The following RALGPS1 variants were observed in gnomAD, a reference collection of about 807,000 sequenced individuals.
The protein encoded by RALGPS1 is Ral GEF with PH domain and SH3 binding motif 1.
Under a neutral mutation model 78.8 loss-of-function variants are expected in RALGPS1, and 19 were observed. That is an observed-to-expected ratio of 0.24 (90% CI 0.17 to 0.35). RALGPS1 has a LOEUF of 0.35. RALGPS1 is among the 10% of genes least tolerant of loss of function. The pLI, the probability that RALGPS1 is intolerant of heterozygous loss-of-function variation, is 1.00. For synonymous variants in RALGPS1, 228 were observed against 256.3 expected, an observed-to-expected ratio of 0.89 and a Z score of 1.06; for missense variants, 454 against 688.3, an observed-to-expected ratio of 0.66 and a Z score of 3.81.
chr9:126,939,186 G>A (rs1479939170), intron 1 of RALGPS1, among the ~76,000 whole-genome samples: 1 of 152,168 alleles, frequency 6.6e-6, no homozygotes, highest in African/African-American at 2.4e-5. Flanking sequence ...GTCTGTCAAG[G>A]CACCTTCTCT....
At chr9:127,050,191 C>A in intron 6 of RALGPS1, 59 bp downstream of exon 6, 1 of 1,328,584 alleles carries the variant, frequency 7.5e-7, no homozygotes, top group South Asian at 1.2e-5. Context: ...ACCTCCTCCC[C>A]AAAAATATGT....
chr9:127,196,036 A>T (rs1187138781), intron 12 of RALGPS1, among the ~76,000 whole-genome samples: 1 of 152,186 alleles, frequency 6.6e-6, no homozygotes. Flanking sequence ...CTATTATTAC[A>T]TATTTTGAGA....
chr9:127,139,131 G>T (rs528329182), intron 8 of RALGPS1, among the ~76,000 whole-genome samples: 12 of 152,286 alleles, frequency 7.9e-5, no homozygotes, highest in African/African-American at 2.6e-4. Context: ...ACAGTGTGTT[G>T]TCTGGGCTCG....
chr9:126,922,113 C>T (rs374492825), intron 1 of RALGPS1, among the ~76,000 whole-genome samples: 10 of 152,264 alleles, frequency 6.6e-5, no homozygotes, highest in African/African-American at 2.2e-4. Flanking sequence ...CCATTCTGGG[C>T]GCGTTTGTCT....
chr9:127,194,561 C>T (rs1021416035), intron 11 of RALGPS1, among the ~76,000 whole-genome samples: 6 of 152,254 alleles, frequency 3.9e-5, no homozygotes, highest in Middle Eastern at 3.4e-3. Flanking sequence ...TACAGGCATG[C>T]GCCACCACAC....
At chr9:127,038,637 AG>A (rs1216840437) in intron 5 of RALGPS1, among the ~76,000 whole-genome samples, 1 of 152,212 alleles carries the variant, frequency 6.6e-6, no homozygotes, top group African/African-American at 2.4e-5. Flanking sequence ...GTGCTGGTTC[AG>A]GGGGTCAACA....
chr9:127,038,189 A>T (rs1490532051), intron 5 of RALGPS1, among the ~76,000 whole-genome samples: 1 of 152,186 alleles, frequency 6.6e-6, no homozygotes, highest in East Asian at 1.9e-4. Context: ...TTTAATTGAA[A>T]CTATTTTAAA....
intron 4 of RALGPS1, among the ~76,000 whole-genome samples, chr9:127,022,534 G>T (rs530993608): frequency 1.2e-4 from 18 of 149,970 alleles, no homozygotes; most frequent in Non-Finnish European, 2.7e-4. Flanking sequence ...AAAAAAAATT[G>T]CACTCTTTAC....
chr9:127,215,364 G>A (rs1285774463), intron 18 of RALGPS1, among the ~76,000 whole-genome samples: 2 of 152,216 alleles, frequency 1.3e-5, no homozygotes, highest in Admixed American at 6.5e-5. Flanking sequence ...GCCCTCTCTG[G>A]CCTGGCTCAT....
rs1174552510 is a variant in RALGPS1 at position 127,220,544 on chromosome 9, G to T, written c.*1775G>T. On this transcript the variant is annotated 3_prime_UTR_variant, in exon 19 of 19. Transcript: ENST00000259351. ...ATAAAAGTTGATGCCATCAAACCTT[G>T]ACACCGGGTGCTCTGCACACCCACG... 1 of 152,166 alleles carries T rather than the reference G, an allele frequency of 6.6e-6. No individual in the cohort carries two copies. The highest frequency in any genetic ancestry group is 1.5e-5 in the Non-Finnish European group (1 of 68,032). 9.4% of individuals were successfully genotyped at this position (152,166 alleles called of 1,614,324 possible).
chr9:127,212,191 G>T lies in RALGPS1; in HGVS notation c.1308G>T (p.Gly436=). The change falls in exon 15 of 19, where the codon GGG becomes GGT. Residue 436 remains glycine, a synonymous_variant. Coordinates refer to ENST00000259351, the MANE Select transcript of RALGPS1 (RefSeq NM_014636.3). This position sits in a 1 kb window ranked among gnomAD's most constrained non-coding sequence, Gnocchi z 6.0. ...CCGCAGCTGTGCCCACCATGGAGGG[G>T]CCTCTGAGAAGAAAAACCCTGCTCA... ...GNSAAVPTME[G]PLRRKTLLKE... The T allele has an allele frequency of 6.2e-7, 1 of 1,613,926 alleles. No homozygotes were observed. Among genetic ancestry groups the T allele is most frequent in the East Asian group, 2.2e-5 (1 of 44,878 alleles).
chr9:127,141,831 T>A (rs1298569773), intron 8 of RALGPS1, among the ~76,000 whole-genome samples: 2 of 152,168 alleles, frequency 1.3e-5, no homozygotes, highest in Non-Finnish European at 2.9e-5. Flanking sequence ...TATAGAAAAT[T>A]GAAATGTAAA....
intron 7 of RALGPS1, among the ~76,000 whole-genome samples, chr9:127,063,819 A>T (rs558496993): frequency 1.2e-4 from 18 of 152,322 alleles, no homozygotes; most frequent in African/African-American, 4.3e-4. Context: ...ATAGTCCATT[A>T]TCTTGGCTTT....
At chr9:127,032,602 G>A (rs1457908094) in intron 4 of RALGPS1, among the ~76,000 whole-genome samples, 1 of 152,140 alleles carries the variant, frequency 6.6e-6, no homozygotes. Flanking sequence ...CTTTAAAAGG[G>A]CAATAATAAC....
At chr9:127,072,647 A>G (rs535960140) in intron 8 of RALGPS1, among the ~76,000 whole-genome samples, 1 of 152,224 alleles carries the variant, frequency 6.6e-6, no homozygotes. Flanking sequence ...TGCATGCTGG[A>G]AAAGAAGGTG....
chr9:126,971,328 C>T (rs1407787795), intron 3 of RALGPS1, among the ~76,000 whole-genome samples: 8 of 148,390 alleles, frequency 5.4e-5, no homozygotes, highest in South Asian at 2.1e-4. Context: ...ACCATGAAGC[C>T]GAGAATGTCA....
At chr9:126,993,132 C>T (rs2042420198) in intron 4 of RALGPS1, among the ~76,000 whole-genome samples, 1 of 152,320 alleles carries the variant, frequency 6.6e-6, no homozygotes, top group African/African-American at 2.4e-5. Context: ...TTGACATAAT[C>T]ATATGGTTTT....
chr9:127,110,036 C>T (rs2054640679), intron 8 of RALGPS1, among the ~76,000 whole-genome samples: 1 of 152,200 alleles, frequency 6.6e-6, no homozygotes, highest in African/African-American at 2.4e-5. Flanking sequence ...TTTCTCTCAA[C>T]TTAAAACCCT....
chr9:126,994,812 T>C (rs1393172448), intron 4 of RALGPS1, among the ~76,000 whole-genome samples: 4 of 146,670 alleles, frequency 2.7e-5, no homozygotes, highest in African/African-American at 1.0e-4. Flanking sequence ...GGGAAGCCCA[T>C]CAGACTAACA....
Sources: gnomAD v4.1 joint callset for allele counts (sites outside exome capture counted in the v4.1 genomes callset) on GRCh38, gnomAD v4.1.1 for gene constraint, Gnocchi (gnomAD v3.1) non-coding constraint, MANE v1.5 for transcripts, NCBI Gene and HGNC (gene_info 2026-07-23, HGNC 2026-07-21) for gene names.